Variants in ACAD10 observed in about 807,000 individuals in gnomAD.
ACAD10 encodes the protein ACAD-10.
Under a neutral mutation model 116.8 loss-of-function variants are expected in ACAD10, and 112 were observed. That is an observed-to-expected ratio of 0.96 (90% CI 0.82 to 1.12). ACAD10 has a LOEUF of 1.12. Ranked by LOEUF, ACAD10 falls within the 50% of genes most tolerant of loss-of-function variation. ACAD10 has a pLI of 0.00. For missense variants in ACAD10, 1,259 were observed against 1,350.2 expected, an observed-to-expected ratio of 0.93 and a Z score of 1.06; for synonymous variants, 486 against 510.6, an observed-to-expected ratio of 0.95 and a Z score of 0.65.
chr12:111,740,266 C>A (rs921849605), intron 12 of ACAD10, among the ~76,000 whole-genome samples: 8 of 152,042 alleles, frequency 5.3e-5, no homozygotes, highest in African/African-American at 1.9e-4. Context: ...GAGTTTGAGA[C>A]CCCTGGCCAA....
intron 2 of ACAD10, among the ~76,000 whole-genome samples, chr12:111,697,222 C>G (rs1321804530): frequency 2.0e-5 from 3 of 151,292 alleles, no homozygotes; most frequent in Non-Finnish European, 4.4e-5. Context: ...GCCTGGGTGA[C>G]AGATCAAGAC....
chr12:111,705,389 C>T (rs574932334), intron 3 of ACAD10, among the ~76,000 whole-genome samples: 1 of 152,164 alleles, frequency 6.6e-6, no homozygotes, highest in African/African-American at 2.4e-5. Context: ...CCAAGCCTAG[C>T]TAAGTTAAAA....
rs185011502 is a variant in ACAD10, at chr12:111,714,722, T to A, written c.851-1099T>A. Among the ~76,000 whole-genome samples the A allele has an allele frequency of 3.5e-3, 535 of 151,812 alleles. 5 individuals are homozygous for A. Among genetic ancestry groups the A allele is most frequent in the South Asian group, 0.03 (146 of 4,798 alleles). On this transcript the variant is annotated intron_variant, in intron 6 of 20. Coordinates refer to ENST00000313698, the MANE Select transcript of ACAD10 (RefSeq NM_025247.6). ...ATTTTTTAAATTAAATTAAATTAAA[T>A]TTTTTTTGAGATGGAGTTTTGCCCT...
intron 5 of ACAD10, chr12:111,710,490 T>C: frequency 3.9e-6 from 1 of 254,644 alleles, no homozygotes; most frequent in Non-Finnish European, 7.9e-6. Flanking sequence ...CAAGAGGGTA[T>C]TGTGAAATTT....
chr12:111,687,390 A>G (rs1489378125), intron 1 of ACAD10, among the ~76,000 whole-genome samples: 2 of 152,058 alleles, frequency 1.3e-5, no homozygotes, highest in East Asian at 3.9e-4. Context: ...TGTCCTGAGC[A>G]TTGTAGAGTG....
Position 111,714,952 on chromosome 12 carries a change from G to A in ACAD10, c.851-869G>A, listed in dbSNP as rs777835682. Among the ~76,000 whole-genome samples the A allele has an allele frequency of 1.8e-4, 27 of 152,168 alleles. 1 individual carries two copies. The South Asian group carries it at 1.9e-3, about 11-fold the overall frequency. ...GCTGGTCTCAAACTCCTAATCTCAG[G>A]TGATCTACCCGCCTTGGCCTCCCAA... On this transcript the variant is annotated intron_variant, in intron 6 of 20. Coordinates refer to ENST00000313698, the MANE Select transcript of ACAD10 (RefSeq NM_025247.6).
At chr12:111,744,461 G>T (rs1360158023) in intron 12 of ACAD10, 182 bp from the exon 13 acceptor site, 1 of 713,578 alleles carries the variant, frequency 1.4e-6, no homozygotes, top group African/African-American at 1.8e-5. Context: ...CAAAGTGCAG[G>T]TGAAAGCAGT....
intron 8 of ACAD10, among the ~76,000 whole-genome samples, chr12:111,723,302 G>A (rs1214114713): frequency 5.3e-5 from 7 of 133,090 alleles, no homozygotes; most frequent in South Asian, 4.8e-4. Flanking sequence ...CAGACGGGGC[G>A]GCTGGCCGGG....
intron 3 of ACAD10, among the ~76,000 whole-genome samples, chr12:111,702,729 CA>C (rs988566937): frequency 4.0e-5 from 6 of 151,516 alleles, no homozygotes; most frequent in Non-Finnish European, 4.4e-5. Context: ...GAAACTGTCT[CA>C]AAAAAAATAA....
intron 16 of ACAD10, chr12:111,747,713 G>C (rs1889954392): frequency 1.7e-6 from 2 of 1,147,224 alleles, no homozygotes; most frequent in Admixed American, 4.1e-5. Flanking sequence ...TGGCTTCCTG[G>C]CTCCTCGATC....
intron 8 of ACAD10, among the ~76,000 whole-genome samples, chr12:111,723,325 C>CA (rs1462370881): frequency 7.5e-6 from 1 of 133,990 alleles, no homozygotes; most frequent in Non-Finnish European, 1.6e-5. Flanking sequence ...GGGGGGCTGA[C>CA]CCCCCCACCT....
intron 9 of ACAD10, among the ~76,000 whole-genome samples, chr12:111,729,168 G>C (rs1380125298): frequency 6.6e-6 from 1 of 152,178 alleles, no homozygotes; most frequent in Non-Finnish European, 1.5e-5. Flanking sequence ...TCTGGCTCCA[G>C]GGTTCATGTG....
intron 11 of ACAD10, among the ~76,000 whole-genome samples, chr12:111,734,597 C>T (rs557241763): frequency 1.8e-4 from 27 of 152,270 alleles, no homozygotes; most frequent in Non-Finnish European, 2.2e-4. Context: ...GCACTCCAGC[C>T]TGGGCAACAG....
At chr12:111,705,516 C>G (rs1017615369) in intron 3 of ACAD10, among the ~76,000 whole-genome samples, 1 of 152,218 alleles carries the variant, frequency 6.6e-6, no homozygotes, top group African/African-American at 2.4e-5. Context: ...AGCCACTGTG[C>G]CCAGCCTATA....
chr12:111,742,972 G>C (rs999081796), intron 12 of ACAD10, among the ~76,000 whole-genome samples: 1 of 152,104 alleles, frequency 6.6e-6, no homozygotes, highest in East Asian at 1.9e-4. Context: ...CTCCCAAAGT[G>C]CTGGGGTTAC....
In ACAD10 at chr12:111,709,634, C is replaced by T. The variant is rs199662727; in HGVS notation, c.640C>T (p.Leu214Phe). Residue 214 changes from leucine to phenylalanine, a missense_variant, in exon 5 of 21, where the codon CTT becomes TTT. Transcript: ENST00000313698. ...CTCTGAGTCCATCTTTCTTGATGAC[C>T]TTGGAACAAATCTAAAAGAAGCTGC... ...QPSESIFLDD[L>F]GTNLKEAARL... The T allele has an allele frequency of 2.4e-4, 384 of 1,613,930 alleles. No individual in the cohort carries two copies. The highest frequency in any genetic ancestry group is 2.5e-4 in the Non-Finnish European group (296 of 1,179,962).
intron 1 of ACAD10, among the ~76,000 whole-genome samples, chr12:111,692,174 G>T (rs1055332619): frequency 2.0e-5 from 3 of 152,166 alleles, no homozygotes; most frequent in Admixed American, 2.0e-4. Context: ...CTCCATGTTG[G>T]TCAGGCTGGT....
intron 7 of ACAD10, among the ~76,000 whole-genome samples, chr12:111,718,429 TATCAATTACATTG>T (rs1888913292): frequency 6.6e-6 from 1 of 152,176 alleles, no homozygotes; most frequent in African/African-American, 2.4e-5. Flanking sequence ...GCTAGGGATT[TATCAATTACATTG>T]ATCTGGGAAC....
intron 5 of ACAD10, chr12:111,709,937 A>C: frequency 2.2e-6 from 1 of 459,264 alleles, no homozygotes; most frequent in Non-Finnish European, 3.9e-6. Context: ...GGCAGGCTTA[A>C]GACCTTTGTG....
Sources: allele counts gnomAD v4.1 joint callset (sites outside exome capture counted in the v4.1 genomes callset), GRCh38; gene constraint gnomAD v4.1.1; transcripts MANE v1.5; gene names NCBI Gene and HGNC (gene_info 2026-07-23, HGNC 2026-07-21).